RBP7: variants seen among roughly 807,000 people sequenced by gnomAD.
RBP7 encodes retinol binding protein 7, also known as retinoid-binding protein 7.
RBP7 carries 13 observed loss-of-function variants against 16.7 expected under a neutral mutation model. The observed-to-expected ratio is 0.78, with a 90% CI of 0.51 to 1.24. The LOEUF is 1.24. Among genes scored for constraint, RBP7 ranks in the 50% most tolerant of loss-of-function variants. The probability of loss-of-function intolerance (pLI) is 0.00; values close to 1 mark genes in which losing one functional copy is unlikely to be tolerated. For missense variants in RBP7, 145 were observed against 159.5 expected (o/e 0.91, Z 0.49); for synonymous variants, 54 against 56.2 (o/e 0.96, Z 0.17).
rs148991294 is a variant in RBP7 at position 10,008,835 on chromosome 1, G to A, written c.354+561G>A. Reference sequence around the variant, plus strand: ...ATTAAATGAAACAGCCGAATATTCCGACAGAGGCAGGAAGATAACATGCAA... The same window carrying A: ...ATTAAATGAAACAGCCGAATATTCCAACAGAGGCAGGAAGATAACATGCAA... On this transcript the variant is annotated intron_variant, in intron 3 of 3. Coordinates refer to ENST00000294435, the MANE Select transcript of RBP7 (RefSeq NM_052960.3). Among the ~76,000 whole-genome samples the A allele has an allele frequency of 3.2e-3, 488 of 152,192 alleles. 1 individual carries two copies. The highest frequency in any genetic ancestry group is 0.011 in the African/African-American group (470 of 41,542).
At chr1:10,009,180 C>T (rs533751833) in intron 3 of RBP7, among the ~76,000 whole-genome samples, 8 of 151,942 alleles carry the variant, frequency 5.3e-5, no homozygotes, top group Non-Finnish European at 1.0e-4. Flanking sequence ...GGGAGGCTGA[C>T]GTGGGCGGAT....
intron 1 of RBP7, among the ~76,000 whole-genome samples, chr1:9,999,434 C>A (rs550664865): frequency 2.6e-5 from 4 of 152,188 alleles, no homozygotes; most frequent in Admixed American, 2.6e-4. Context: ...CGCCTGTAAT[C>A]CCAGCTACTT....
intron 3 of RBP7, among the ~76,000 whole-genome samples, chr1:10,009,187 G>A (rs1011530181): frequency 1.3e-5 from 2 of 152,038 alleles, no homozygotes; most frequent in East Asian, 1.9e-4. Flanking sequence ...TGACGTGGGC[G>A]GATCACGAGG....
rs201368800 is a variant in RBP7 at position 9,998,235 on chromosome 1, AC to A, written c.73+907del. ...TCCAACTCCTGACCTCAGGTGATCC[AC>A]CCGCCTTGGCCTCCCAAAGTGCTGG... On this transcript the variant is annotated intron_variant, in intron 1 of 3. Coordinates refer to ENST00000294435, the MANE Select transcript of RBP7 (RefSeq NM_052960.3). Among the ~76,000 whole-genome samples, 974 of 152,052 alleles carry A rather than the reference AC, an allele frequency of 6.4e-3. 8 individuals are homozygous for A. Among genetic ancestry groups the A allele is most frequent in the African/African-American group, 0.022 (924 of 41,478 alleles).
At chr1:10,008,031 G>A (rs577007621) in intron 2 of RBP7, 142 bp from the exon 3 acceptor site, 49 of 623,748 alleles carry the variant, frequency 7.9e-5, no homozygotes, top group Non-Finnish European at 1.3e-4. Context: ...TCCAGCCTGG[G>A]TGACAGAGTG....
At chr1:10,015,211 G>C (rs1374728756) in intron 3 of RBP7, among the ~76,000 whole-genome samples, 2 of 152,062 alleles carry the variant, frequency 1.3e-5, no homozygotes, top group Admixed American at 1.3e-4. Context: ...GGAGGCTGAG[G>C]CGGGCAGATC....
chr1:10,011,853 T>A (rs1245794923), intron 3 of RBP7, among the ~76,000 whole-genome samples: 1 of 152,068 alleles, frequency 6.6e-6, no homozygotes, highest in Non-Finnish European at 1.5e-5. Flanking sequence ...GGTCAGGAGT[T>A]CGAGACCAGC....
rs1642489242 is a variant in RBP7, at chr1:10,007,838, G to A, written c.252+90G>A. 3 of 1,211,340 alleles carry A rather than the reference G, an allele frequency of 2.5e-6. No individual in the cohort carries two copies. The Admixed American group carries it at 6.9e-5, about 28-fold the overall frequency. The allele number at this position is 1,211,340 out of a possible 1,614,324, so 75.0% of individuals were successfully genotyped here. A position where few individuals can be genotyped will look rare whatever the true frequency, so the allele number is the denominator to read the frequency against. On this transcript the variant is annotated intron_variant, in intron 2 of 3. Coordinates refer to ENST00000294435, the MANE Select transcript of RBP7 (RefSeq NM_052960.3). The stretch of plus-strand genomic sequence containing the variant: ...AACGCAGGCGGACCACCTGAGGTCA[G>A]TAGTTTGAGACCAGCCTGGGCAACA...
chr1:10,014,238 G>C (rs1642708973), intron 3 of RBP7, among the ~76,000 whole-genome samples: 1 of 152,002 alleles, frequency 6.6e-6, no homozygotes, highest in South Asian at 2.1e-4. Context: ...CTAAACCACG[G>C]GGTTTAGAGA....
intron 2 of RBP7, 74 bp downstream of exon 2, chr1:10,007,822 G>A (rs920390642): frequency 2.0e-5 from 27 of 1,376,150 alleles, no homozygotes; most frequent in Middle Eastern, 1.9e-4. Flanking sequence ...CAACGCAGGC[G>A]GACCACCTGA....
At chr1:10,011,533 C>T (rs956332178) in intron 3 of RBP7, among the ~76,000 whole-genome samples, 4 of 152,168 alleles carry the variant, frequency 2.6e-5, no homozygotes, top group African/African-American at 4.8e-5. Flanking sequence ...TTGTGAATTA[C>T]GTATTTTCAC....
At position 10,007,588 on chromosome 1, in the gene RBP7, G is replaced by A. The variant is rs149174715; in HGVS notation, c.92G>A (p.Arg31His). 3.7e-5 allele frequency: 59 copies of A among 1,609,670 alleles called. No individual in the cohort carries two copies. Among genetic ancestry groups the A allele is most frequent in the African/African-American group, 3.3e-4 (25 of 74,706 alleles). Reference sequence around the variant, plus strand: ...TTTTAAGGTATTGACTTTGCCACTCGTAAAATAGCCAAGTTGCTGAAGCCA... The same window carrying A: ...TTTTAAGGTATTGACTTTGCCACTCATAAAATAGCCAAGTTGCTGAAGCCA... Reference protein sequence around the residue: ...MLALGIDFATRKIAKLLKPQK... With the variant: ...MLALGIDFATHKIAKLLKPQK... The change falls in exon 2 of 4, where the codon CGT becomes CAT. Residue 31 changes from arginine (R) to histidine (H), a missense_variant. By Grantham distance (29) the Arg-to-His change is conservative. Transcript: ENST00000294435.
intron 3 of RBP7, among the ~76,000 whole-genome samples, chr1:10,012,137 G>A (rs1642639276): frequency 6.6e-6 from 1 of 151,674 alleles, no homozygotes; most frequent in African/African-American, 2.4e-5. Flanking sequence ...CTTGAACCTG[G>A]GAGGAGGAGG....
At chr1:9,998,610 A>G (rs868823800) in intron 1 of RBP7, among the ~76,000 whole-genome samples, 66 of 151,654 alleles carry the variant, frequency 4.4e-4, no homozygotes, top group African/African-American at 1.6e-3. Context: ...GGGTTTCACC[A>G]TGTTGGCCAG....
chr1:10,010,020 G>A lies in RBP7; in HGVS notation c.354+1746G>A, dbSNP rs77275170. Among the ~76,000 whole-genome samples the A allele has an allele frequency of 5.5e-4, 84 of 152,214 alleles. 1 individual carries two copies. In the East Asian group the frequency reaches 0.016, roughly 28 times the overall value. ...TAATTTCTAGTAAATGTATACAGGT[G>A]TACAACCATTCCCATTATCCAGTTT... On this transcript the variant is annotated intron_variant, in intron 3 of 3. Transcript: ENST00000294435.
intron 1 of RBP7, among the ~76,000 whole-genome samples, chr1:10,007,343 C>T (rs1642475274): frequency 6.6e-6 from 1 of 151,942 alleles, no homozygotes; most frequent in African/African-American, 2.4e-5. Context: ...CTTCTGTGTC[C>T]CAAAGTGCTG....
Position 9,997,432 on chromosome 1 carries a change from G to T in RBP7, c.73+101G>T, listed in dbSNP as rs1642194187. On this transcript the variant is annotated intron_variant, in intron 1 of 3. Coordinates refer to ENST00000294435, the MANE Select transcript of RBP7 (RefSeq NM_052960.3). This position sits in a 1 kb window ranked among gnomAD's most constrained non-coding sequence, Gnocchi z 5.9. ...GCCTGTAGGTACGTCCTCTGTCCGT[G>T]CCTCCGCCCTGCTGCGCCCACCGTC... is the stretch of plus-strand genomic sequence containing the variant. The T allele has an allele frequency of 3.5e-6, 4 of 1,140,158 alleles. No homozygotes were observed. Among genetic ancestry groups the T allele is most frequent in the Non-Finnish European group, 5.1e-6 (4 of 779,364 alleles). The allele number at this position is 1,140,158 out of a possible 1,614,324, so 70.6% of individuals were successfully genotyped here.
intron 1 of RBP7, among the ~76,000 whole-genome samples, chr1:10,002,147 G>A (rs1041647059): frequency 6.6e-6 from 1 of 152,092 alleles, no homozygotes; most frequent in Admixed American, 6.6e-5. Context: ...GATTTAAAGG[G>A]ATCCCTTCTT....
intron 3 of RBP7, among the ~76,000 whole-genome samples, chr1:10,014,240 G>T (rs1642709051): frequency 6.6e-6 from 1 of 152,044 alleles, no homozygotes; most frequent in African/African-American, 2.4e-5. Flanking sequence ...AAACCACGGG[G>T]TTTAGAGAGC....
Sources: gnomAD v4.1 joint callset for allele counts (sites outside exome capture counted in the v4.1 genomes callset) on GRCh38, gnomAD v4.1.1 for gene constraint, Gnocchi (gnomAD v3.1) non-coding constraint, MANE v1.5 for transcripts, NCBI Gene and HGNC (gene_info 2026-07-23, HGNC 2026-07-21) for gene names.